PLEKHG1: variants seen among roughly 807,000 people sequenced by gnomAD.
PLEKHG1 encodes the protein pleckstrin homology and RhoGEF domain containing G1.
PLEKHG1 carries 44 observed loss-of-function variants against 100.8 expected under a neutral mutation model. The observed-to-expected ratio is 0.44, with a 90% CI of 0.34 to 0.56. The LOEUF (loss-of-function observed/expected upper bound fraction) is 0.56, where lower values mean the gene tolerates loss of function less well. PLEKHG1 is among the 20% of genes least tolerant of loss of function. The pLI, the probability that PLEKHG1 is intolerant of heterozygous loss-of-function variation, is 0.01. For missense variants in PLEKHG1, 1,545 were observed against 1,720.9 expected (o/e 0.90, Z 1.81); for synonymous variants, 640 against 662.5 (o/e 0.97, Z 0.52).
chr6:150,832,330 T>A, intron 15 of PLEKHG1, 125 bp downstream of exon 16: 1 of 752,652 alleles, frequency 1.3e-6, no homozygotes, highest in Non-Finnish European at 2.1e-6. Flanking sequence ...CATCTCAAAG[T>A]AAGACCACAG....
chr6:150,621,477 C>A (rs757090889), intron 1 of PLEKHG1, among the ~76,000 whole-genome samples: 1 of 151,668 alleles, frequency 6.6e-6, no homozygotes, highest in African/African-American at 2.4e-5. Context: ...TGGGTTCAGG[C>A]GGTTCTCCTG....
intron 2 of PLEKHG1, among the ~76,000 whole-genome samples, chr6:150,749,483 C>T (rs977192158): frequency 6.6e-6 from 1 of 152,154 alleles, no homozygotes; most frequent in African/African-American, 2.4e-5. Flanking sequence ...CAATCTGTGA[C>T]ATTACCCTTT....
intron 1 of PLEKHG1, among the ~76,000 whole-genome samples, chr6:150,607,340 A>G (rs914705531): frequency 6.6e-6 from 1 of 152,114 alleles, no homozygotes; most frequent in African/African-American, 2.4e-5. Context: ...TGGCTGTGTG[A>G]TTACAGACAG....
intron 2 of PLEKHG1, among the ~76,000 whole-genome samples, chr6:150,754,722 G>T (rs13211603): frequency 1.3e-5 from 2 of 150,578 alleles, no homozygotes; most frequent in East Asian, 3.9e-4. Flanking sequence ...AGGCTGGAGG[G>T]CAATGGCACA....
intron 3 of PLEKHG1, among the ~76,000 whole-genome samples, chr6:150,699,046 C>T (rs956356594): frequency 1.3e-5 from 2 of 152,106 alleles, no homozygotes; most frequent in Admixed American, 6.6e-5. Context: ...TACGTCTTCA[C>T]GACCGAAATA....
intron 3 of PLEKHG1, among the ~76,000 whole-genome samples, chr6:150,677,820 T>C (rs1298722596): frequency 6.6e-6 from 1 of 151,860 alleles, no homozygotes; most frequent in African/African-American, 2.4e-5. Context: ...AGGGTTACAG[T>C]GACCTGTAAT....
chr6:150,714,052 A>G (rs1781334529), intron 3 of PLEKHG1, among the ~76,000 whole-genome samples: 3 of 152,202 alleles, frequency 2.0e-5, no homozygotes, highest in African/African-American at 7.2e-5. Context: ...GTGTTTCAAA[A>G]GTATAGATTG....
intron 3 of PLEKHG1, among the ~76,000 whole-genome samples, chr6:150,697,857 C>A (rs1780608093): frequency 6.6e-6 from 1 of 152,134 alleles, no homozygotes; most frequent in Non-Finnish European, 1.5e-5. Flanking sequence ...TGATTCTGGT[C>A]CTCTTTGATA....
intron 6 of PLEKHG1, among the ~76,000 whole-genome samples, chr6:150,804,157 A>C (rs28601637): frequency 0.07 from 1,302 of 18,618 alleles, 37 homozygotes; most frequent in South Asian, 0.14. Flanking sequence ...TAAATATTTT[A>C]TATATATATA....
chr6:150,825,470 A>G (rs1776545986), intron 14 of PLEKHG1, among the ~76,000 whole-genome samples: 1 of 152,144 alleles, frequency 6.6e-6, no homozygotes, highest in Non-Finnish European at 1.5e-5. Flanking sequence ...GGTCCCAGCT[A>G]CTTGGGAAGC....
intron 1 of PLEKHG1, among the ~76,000 whole-genome samples, chr6:150,721,895 T>C (rs1781691243): frequency 6.6e-6 from 1 of 152,122 alleles, no homozygotes; most frequent in African/African-American, 2.4e-5. Flanking sequence ...TAATCACATA[T>C]TGAATATAAA....
intron 3 of PLEKHG1, among the ~76,000 whole-genome samples, chr6:150,705,851 A>G (rs1194819229): frequency 6.6e-6 from 1 of 152,216 alleles, no homozygotes; most frequent in African/African-American, 2.4e-5. Flanking sequence ...GGGTTCAGAA[A>G]GAAATAAACA....
intron 2 of PLEKHG1, among the ~76,000 whole-genome samples, chr6:150,743,810 A>G (rs1459572110): frequency 6.6e-6 from 1 of 151,018 alleles, no homozygotes; most frequent in Non-Finnish European, 1.5e-5. Context: ...CTGTGAAATT[A>G]TTTAACACCA....
At chr6:150,701,656 A>G (rs1582967058) in intron 3 of PLEKHG1, among the ~76,000 whole-genome samples, 1 of 124,192 alleles carries the variant, frequency 8.1e-6, no homozygotes, top group Non-Finnish European at 1.7e-5. Context: ...TCCTGTGTCC[A>G]GGTGTTCTCA....
chr6:150,804,526 C>G lies in PLEKHG1; in HGVS notation c.781-84C>G. The stretch of plus-strand genomic sequence containing the variant: ...ATAAGCAAAAATAAAATATAAGGAA[C>G]TAATCATAGCGGTGCCATTTGTTTC... On this transcript the variant is annotated intron_variant, in intron 6 of 15. Coordinates refer to ENST00000358517, the Ensembl canonical transcript of PLEKHG1. The G allele has an allele frequency of 3.6e-6, 4 of 1,108,426 alleles. No homozygotes were observed. In the South Asian group the frequency reaches 6.3e-5, roughly 18 times the overall value. 68.7% of individuals were successfully genotyped at this position (1,108,426 alleles called of 1,614,324 possible). A position where few individuals can be genotyped will look rare whatever the true frequency, so the allele number is the denominator to read the frequency against.
At chr6:150,645,866 C>T (rs1778471439) in intron 2 of PLEKHG1, among the ~76,000 whole-genome samples, 3 of 152,126 alleles carry the variant, frequency 2.0e-5, no homozygotes, top group Admixed American at 2.0e-4. Context: ...GATGAACAGC[C>T]TAACACTTTC....
chr6:150,654,642 G>T (rs916753996), intron 3 of PLEKHG1, among the ~76,000 whole-genome samples: 2 of 152,212 alleles, frequency 1.3e-5, no homozygotes, highest in African/African-American at 4.8e-5. Context: ...TATGGCGAAG[G>T]CATGCTCAAG....
intron 3 of PLEKHG1, among the ~76,000 whole-genome samples, chr6:150,682,011 T>C (rs1192829943): frequency 1.3e-5 from 2 of 152,200 alleles, no homozygotes; most frequent in East Asian, 3.9e-4. Context: ...AAGACTCTGC[T>C]TTACCTACAG....
At chr6:150,636,457 T>C (rs1421208852) in intron 1 of PLEKHG1, among the ~76,000 whole-genome samples, 1 of 147,772 alleles carries the variant, frequency 6.8e-6, no homozygotes, top group African/African-American at 2.5e-5. Flanking sequence ...TTACTGTAAT[T>C]AACGTGGCTC....
Sources: allele counts gnomAD v4.1 joint callset (sites outside exome capture counted in the v4.1 genomes callset), GRCh38; gene constraint gnomAD v4.1.1; transcripts MANE v1.5; gene names NCBI Gene and HGNC (gene_info 2026-07-23, HGNC 2026-07-21).